AUTS2: variants seen among roughly 807,000 people sequenced by gnomAD.
AUTS2 encodes the protein autism susceptibility gene 2 protein.
AUTS2 carries 17 observed loss-of-function variants against 112.4 expected under a neutral mutation model. The ratio of observed to expected loss-of-function variants is 0.15; its 90% CI spans 0.10 to 0.23. The LOEUF is 0.23. Ranked by LOEUF, AUTS2 falls within the 10% of genes least tolerant of loss-of-function variation. AUTS2 has a pLI of 1.00. For synonymous variants in AUTS2, 751 were observed against 702.7 expected, an observed-to-expected ratio of 1.07 and a Z score of -1.09; for missense variants, 1,510 against 1,701.6, an observed-to-expected ratio of 0.89 and a Z score of 1.98.
At position 69,600,042 on chromosome 7, in the gene AUTS2, C is replaced by A. The variant is rs1792294178; in HGVS notation, c.309+80C>A. On this transcript the variant is annotated intron_variant, in intron 1 of 18. Transcript: ENST00000342771. Reference sequence around the variant, plus strand: ...GCGCCCGGCTCTCCTGCCTCCCTCGCCGCGCTCCGGGCTGTCTGTCTGTCT... The same window carrying A: ...GCGCCCGGCTCTCCTGCCTCCCTCGACGCGCTCCGGGCTGTCTGTCTGTCT... 8 of 1,445,428 alleles carry A rather than the reference C, an allele frequency of 5.5e-6. No homozygotes were observed. In the Admixed American group the frequency reaches 1.3e-4, roughly 23 times the overall value. 89.5% of individuals were successfully genotyped at this position (1,445,428 alleles called of 1,614,324 possible).
chr7:69,888,267 T>C (rs1218135159), intron 1 of AUTS2, among the ~76,000 whole-genome samples: 1 of 151,752 alleles, frequency 6.6e-6, no homozygotes, highest in African/African-American at 2.4e-5. Flanking sequence ...TGGCATCTGC[T>C]TGGCTTATGG....
At chr7:70,460,406 A>G (rs1796917051) in intron 5 of AUTS2, among the ~76,000 whole-genome samples, 1 of 139,502 alleles carries the variant, frequency 7.2e-6, no homozygotes, top group East Asian at 2.2e-4. Flanking sequence ...GCTGGAGTGC[A>G]ATGGCACGAT....
intron 5 of AUTS2, among the ~76,000 whole-genome samples, chr7:70,624,574 C>T (rs1259572953): frequency 6.6e-6 from 1 of 152,184 alleles, no homozygotes; most frequent in Non-Finnish European, 1.5e-5. Context: ...CAAGCCCCAA[C>T]CCCAGGCCCT....
chr7:70,743,012 A>G (rs1381633412), intron 6 of AUTS2, among the ~76,000 whole-genome samples: 1 of 152,168 alleles, frequency 6.6e-6, no homozygotes, highest in Admixed American at 6.5e-5. Context: ...AAACTATAAT[A>G]TGTTGCCTTG....
At chr7:69,848,674 A>C (rs1660989104) in intron 1 of AUTS2, among the ~76,000 whole-genome samples, 1 of 152,208 alleles carries the variant, frequency 6.6e-6, no homozygotes, top group African/African-American at 2.4e-5. Context: ...TTGTTGGATT[A>C]CATTTGTCTT....
chr7:70,509,037 G>A lies in AUTS2; in HGVS notation c.690+73256G>A, dbSNP rs539861506. 9.9e-5 allele frequency among the ~76,000 whole-genome samples: 15 copies of A among 152,000 alleles called. No individual in the cohort carries two copies. The South Asian group carries it at 1.2e-3, about 13-fold the overall frequency. On this transcript the variant is annotated intron_variant, in intron 5 of 18. Transcript: ENST00000342771. ...TCATTATATTTTTCCTTTCAGTCTC[G>A]GACTCTTGAGATCTAGTCTTCTACA... is the stretch of plus-strand genomic sequence containing the variant.
intron 1 of AUTS2, among the ~76,000 whole-genome samples, chr7:69,785,209 G>C (rs931535934): frequency 6.6e-6 from 1 of 152,092 alleles, no homozygotes; most frequent in Non-Finnish European, 1.5e-5. Flanking sequence ...GCATGCATAG[G>C]GACTGAAAAT....
intron 5 of AUTS2, among the ~76,000 whole-genome samples, chr7:70,697,560 T>TCC (rs10636908): frequency 0.18 from 22,783 of 127,348 alleles, 2,236 homozygotes; most frequent in East Asian, 0.26. Context: ...ACTTCAGAAT[T>TCC]CCCCCCCCCC....
At chr7:70,185,856 C>G (rs1402651143) in intron 4 of AUTS2, among the ~76,000 whole-genome samples, 1 of 152,158 alleles carries the variant, frequency 6.6e-6, no homozygotes, top group African/African-American at 2.4e-5. Flanking sequence ...CGTGCCCTGC[C>G]TGCCAACTCA....
intron 1 of AUTS2, among the ~76,000 whole-genome samples, chr7:69,807,147 G>A (rs1444622146): frequency 1.3e-5 from 2 of 152,134 alleles, no homozygotes; most frequent in African/African-American, 2.4e-5. Context: ...TGAATAAGAT[G>A]AGCACAATCT....
chr7:69,786,126 T>C (rs1789362490), intron 1 of AUTS2, among the ~76,000 whole-genome samples: 1 of 152,196 alleles, frequency 6.6e-6, no homozygotes, highest in South Asian at 2.1e-4. Flanking sequence ...AAAACTTTTC[T>C]GTCTAGCTAG....
intron 1 of AUTS2, among the ~76,000 whole-genome samples, chr7:69,636,926 C>T (rs973307190): frequency 8.5e-5 from 13 of 152,104 alleles, no homozygotes; most frequent in African/African-American, 2.2e-4. Flanking sequence ...CCACCACGTC[C>T]GGCTAATTTT....
At chr7:70,420,763 C>G (rs1291172411) in intron 4 of AUTS2, among the ~76,000 whole-genome samples, 1 of 152,132 alleles carries the variant, frequency 6.6e-6, no homozygotes. Flanking sequence ...ACAGAAGGCA[C>G]ATCAGTGATA....
At chr7:69,955,343 A>G (rs773474480) in intron 2 of AUTS2, among the ~76,000 whole-genome samples, 3 of 152,122 alleles carry the variant, frequency 2.0e-5, no homozygotes, top group South Asian at 2.1e-4. Flanking sequence ...TATCTTTGCT[A>G]TATGTCTTGT....
At position 70,625,757 on chromosome 7, in the gene AUTS2, G is replaced by A. The variant is rs577497982; in HGVS notation, c.691-72812G>A. Among the ~76,000 whole-genome samples, 57 of 152,286 alleles carry A rather than the reference G, an allele frequency of 3.7e-4. 1 individual carries two copies. The highest frequency in any genetic ancestry group is 1.2e-3 in the African/African-American group (48 of 41,560). On this transcript the variant is annotated intron_variant, in intron 5 of 18. Transcript: ENST00000342771. ...GATATGTGATAGACCACGTACATTC[G>A]TGGCTATAGATAGGTGAGTAACTGT... is the stretch of plus-strand genomic sequence containing the variant.
intron 4 of AUTS2, among the ~76,000 whole-genome samples, chr7:70,382,581 A>T (rs2129632842): frequency 1.3e-5 from 2 of 152,270 alleles, no homozygotes; most frequent in South Asian, 4.1e-4. Context: ...ACTCCAGCTG[A>T]AGTGGATTTT....
At chr7:70,044,553 TG>T (rs1302549746) in intron 2 of AUTS2, among the ~76,000 whole-genome samples, 1 of 152,154 alleles carries the variant, frequency 6.6e-6, no homozygotes, top group Non-Finnish European at 1.5e-5. Context: ...TACTCTTAAG[TG>T]GGAGAAAAAA....
At chr7:70,261,618 A>G (rs1202381150) in intron 4 of AUTS2, among the ~76,000 whole-genome samples, 1 of 152,244 alleles carries the variant, frequency 6.6e-6, no homozygotes, top group Non-Finnish European at 1.5e-5. Context: ...AAACATTTAT[A>G]TGAACATATT....
intron 1 of AUTS2, among the ~76,000 whole-genome samples, chr7:69,744,697 G>A (rs887806318): frequency 5.3e-5 from 8 of 151,984 alleles, no homozygotes; most frequent in Non-Finnish European, 7.4e-5. Context: ...ATTAGCCGAT[G>A]TGGTGGCATA....
Sources: gnomAD v4.1 joint callset for allele counts (sites outside exome capture counted in the v4.1 genomes callset) on GRCh38, gnomAD v4.1.1 for gene constraint, MANE v1.5 for transcripts, NCBI Gene and HGNC (gene_info 2026-07-23, HGNC 2026-07-21) for gene names.